ADARB2: variants seen among roughly 807,000 people sequenced by gnomAD.
The protein encoded by ADARB2 is adenosine deaminase RNA specific B2 (inactive).
In ADARB2, 25 loss-of-function variants were observed where a neutral mutation model predicts 62.2. That is an observed-to-expected ratio of 0.40 (90% CI 0.29 to 0.56). The LOEUF is 0.56. ADARB2 is among the 20% of genes least tolerant of loss of function. The pLI is 0.43. For missense variants in ADARB2, 1,071 were observed against 1,077.4 expected (o/e 0.99, Z 0.08); for synonymous variants, 572 against 500.8 (o/e 1.14, Z -1.90).
chr10:1,556,385 G>A (rs1024273581), intron 1 of ADARB2, among the ~76,000 whole-genome samples: 4 of 151,832 alleles, frequency 2.6e-5, no homozygotes, highest in African/African-American at 9.7e-5. Context: ...ACTTTTCTTG[G>A]TGAAGCAATT....
intron 1 of ADARB2, among the ~76,000 whole-genome samples, chr10:1,459,640 T>G (rs1831142300): frequency 6.6e-6 from 1 of 152,224 alleles, no homozygotes; most frequent in African/African-American, 2.4e-5. Flanking sequence ...CACATGCCTG[T>G]AATCCCAGGT....
At chr10:1,681,037 G>T (rs2119117041) in intron 1 of ADARB2, among the ~76,000 whole-genome samples, 1 of 152,290 alleles carries the variant, frequency 6.6e-6, no homozygotes, top group South Asian at 2.1e-4. Context: ...CTGGAGTCAT[G>T]ACTTAAATGG....
intron 3 of ADARB2, among the ~76,000 whole-genome samples, chr10:1,332,858 C>A (rs1213593851): frequency 6.6e-6 from 1 of 152,236 alleles, no homozygotes; most frequent in Non-Finnish European, 1.5e-5. Flanking sequence ...GTAAGAATTT[C>A]TCTGATTACA....
chr10:1,377,526 C>T (rs77844512), intron 2 of ADARB2, among the ~76,000 whole-genome samples: 89 of 151,894 alleles, frequency 5.9e-4, no homozygotes, highest in East Asian at 5.8e-3. Flanking sequence ...GTGTGTGCTC[C>T]TGGGGTGTGT....
At position 1,734,867 on chromosome 10, in the gene ADARB2, ATAATT is replaced by A. The variant is rs1281370995; in HGVS notation, c.100+2179_100+2183del. Among the ~76,000 whole-genome samples the A allele has an allele frequency of 7.2e-5, 11 of 152,382 alleles. No homozygotes were observed. The South Asian group carries it at 8.3e-4, about 11-fold the overall frequency. On this transcript the variant is annotated intron_variant, in intron 1 of 9. Coordinates refer to ENST00000381312, the MANE Select transcript of ADARB2 (RefSeq NM_018702.4). ...TGTTAAGATTCATGACAATTAGAAC[ATAATT>A]TAAACTCACCATTGTTTTTATAAAA...
At position 1,327,165 on chromosome 10, in the gene ADARB2, T is replaced by C. The variant is rs1356868584; in HGVS notation, c.1077+35863A>G. On this transcript the variant is annotated intron_variant, in intron 3 of 9. Transcript: ENST00000381312. ...CACTGCACAGTGCCTCGTCACAGTTTAGTGCCTGCCCACAGTTCAGCGCCT... is the reference window on the plus strand; with the variant it reads ...CACTGCACAGTGCCTCGTCACAGTTCAGTGCCTGCCCACAGTTCAGCGCCT... Among the ~76,000 whole-genome samples the C allele has an allele frequency of 6.5e-5, 4 of 61,352 alleles. 1 individual carries two copies. The highest frequency in any genetic ancestry group is 5.4e-4 in the Admixed American group (3 of 5,598). The allele number at this position is 61,352 out of a possible 152,430, so 40.2% of individuals were successfully genotyped here.
At chr10:1,736,121 C>A (rs538300937) in intron 1 of ADARB2, among the ~76,000 whole-genome samples, 1 of 152,296 alleles carries the variant, frequency 6.6e-6, no homozygotes, top group South Asian at 2.1e-4. Flanking sequence ...ATGATTAGAA[C>A]TGAACTTTCT....
chr10:1,602,220 T>C (rs1045622770), intron 1 of ADARB2, among the ~76,000 whole-genome samples: 1 of 152,200 alleles, frequency 6.6e-6, no homozygotes, highest in African/African-American at 2.4e-5. Context: ...TGGCACCTGC[T>C]GAATGCACAC....
intron 1 of ADARB2, chr10:1,676,053 C>T (rs922084289): frequency 1.9e-4 from 192 of 985,166 alleles, no homozygotes; most frequent in Non-Finnish European, 2.2e-4. Flanking sequence ...TGACCTGAGC[C>T]CCTGTGCACA....
At chr10:1,227,819 C>T (rs1222597123) in intron 6 of ADARB2, among the ~76,000 whole-genome samples, 1 of 152,182 alleles carries the variant, frequency 6.6e-6, no homozygotes, top group Non-Finnish European at 1.5e-5. Context: ...AAACTGTCTT[C>T]AAAAGGCATA....
Position 1,557,047 on chromosome 10 carries a change from C to T in ADARB2, c.101-177887G>A, listed in dbSNP as rs553285896. 2.8e-5 allele frequency: 10 copies of T among 357,746 alleles called. No homozygotes were observed. In the East Asian group the frequency reaches 7.7e-4, roughly 28 times the overall value. The allele number at this position is 357,746 out of a possible 1,614,324, so 22.2% of individuals were successfully genotyped here. ...CTGTGGTCATCACCAAAACCTGTCC[C>T]TCCTTGGAAACCTCAGTTTAAGCAT... On this transcript the variant is annotated intron_variant, in intron 1 of 9. Transcript: ENST00000381312.
At chr10:1,643,435 G>A (rs781457376) in intron 1 of ADARB2, among the ~76,000 whole-genome samples, 1 of 152,222 alleles carries the variant, frequency 6.6e-6, no homozygotes, top group Non-Finnish European at 1.5e-5. Context: ...CAGACTGGAG[G>A]GCTAGAGGCC....
At chr10:1,693,431 C>T (rs1004554010) in intron 1 of ADARB2, among the ~76,000 whole-genome samples, 3 of 152,134 alleles carry the variant, frequency 2.0e-5, no homozygotes, top group East Asian at 3.8e-4. Flanking sequence ...TCTCCTCTCT[C>T]GTTTTTGTCA....
At chr10:1,727,626 A>G (rs1835182703) in intron 1 of ADARB2, among the ~76,000 whole-genome samples, 1 of 152,222 alleles carries the variant, frequency 6.6e-6, no homozygotes, top group Non-Finnish European at 1.5e-5. Context: ...AAGAACTTTC[A>G]TTTGATATAA....
intron 1 of ADARB2, among the ~76,000 whole-genome samples, chr10:1,676,966 C>A (rs1019157267): frequency 6.6e-6 from 1 of 152,116 alleles, no homozygotes; most frequent in Non-Finnish European, 1.5e-5. Flanking sequence ...TCAGGGAGAC[C>A]CTCTATCTGG....
intron 3 of ADARB2, among the ~76,000 whole-genome samples, chr10:1,338,573 A>G (rs1831994721): frequency 6.6e-6 from 1 of 152,218 alleles, no homozygotes; most frequent in South Asian, 2.1e-4. Context: ...AGAATTCTCT[A>G]TTTAGGTTGG....
At chr10:1,655,032 C>A (rs912473727) in intron 1 of ADARB2, among the ~76,000 whole-genome samples, 7 of 152,236 alleles carry the variant, frequency 4.6e-5, no homozygotes, top group African/African-American at 1.4e-4. Flanking sequence ...CGGGAGGAAT[C>A]TCACTTCCCC....
intron 1 of ADARB2, among the ~76,000 whole-genome samples, chr10:1,590,607 C>T (rs187117925): frequency 8.5e-5 from 13 of 152,130 alleles, no homozygotes; most frequent in African/African-American, 1.7e-4. Context: ...CAATGCTGAC[C>T]GGAAAAAACC....
At position 1,634,148 on chromosome 10, in the gene ADARB2, G is replaced by A. The variant is rs549525018; in HGVS notation, c.100+102903C>T. On this transcript the variant is annotated intron_variant, in intron 1 of 9. Transcript: ENST00000381312. ...GTGTGTTTCCTCCTCCCTCAACACC[G>A]GGAGGACCCTGGGGCCACACCCGCT... 2.2e-4 allele frequency among the ~76,000 whole-genome samples: 33 copies of A among 152,208 alleles called. 1 individual carries two copies. Among genetic ancestry groups the A allele is most frequent in the East Asian group, 5.8e-4 (3 of 5,164 alleles).
Sources: gnomAD v4.1 joint callset for allele counts (sites outside exome capture counted in the v4.1 genomes callset) on GRCh38, gnomAD v4.1.1 for gene constraint, MANE v1.5 for transcripts, NCBI Gene and HGNC (gene_info 2026-07-23, HGNC 2026-07-21) for gene names.